LYRM4: variants seen among roughly 807,000 people sequenced by gnomAD.
LYRM4 encodes the protein LYR motif-containing protein 4.
Under a neutral mutation model 11.7 loss-of-function variants are expected in LYRM4, and 9 were observed. The ratio of observed to expected loss-of-function variants is 0.77; its 90% CI spans 0.46 to 1.34. LYRM4 has a LOEUF of 1.34. Among genes scored for constraint, LYRM4 ranks in the 40% most tolerant of loss-of-function variants. LYRM4 has a pLI of 0.00. For synonymous variants in LYRM4, 42 were observed against 40.4 expected (o/e 1.04, Z -0.15); for missense variants, 133 against 112.5 (o/e 1.18, Z -0.82).
intron 2 of LYRM4, among the ~76,000 whole-genome samples, chr6:5,134,020 G>A (rs1764076522): frequency 6.6e-6 from 1 of 152,214 alleles, no homozygotes; most frequent in Non-Finnish European, 1.5e-5. Flanking sequence ...AAGGATATTT[G>A]GGTTGTTTCC....
downstream of LYRM4, among the ~76,000 whole-genome samples, chr6:5,099,609 T>C (rs547095405): frequency 6.6e-6 from 1 of 152,150 alleles, no homozygotes; most frequent in East Asian, 1.9e-4. The surrounding 1 kb of genome is among the most constrained non-coding windows in gnomAD (Gnocchi z 4.3). Context: ...TCTTCATATT[T>C]TTTATTTCTT....
At chr6:5,079,425 A>G in the LYRM4 span, among the ~76,000 whole-genome samples, 1 of 152,228 alleles carries the variant, frequency 6.6e-6, no homozygotes, top group Non-Finnish European at 1.5e-5. Context: ...TTTAGGTAGA[A>G]AGGGGAAGTC....
chr6:5,208,510 G>A (rs1395438342), intron 2 of LYRM4, among the ~76,000 whole-genome samples: 1 of 152,170 alleles, frequency 6.6e-6, no homozygotes, highest in African/African-American at 2.4e-5. Flanking sequence ...TGCCTTTTAT[G>A]GGAGCACTCC....
At chr6:5,184,046 A>AT (rs1760234616) in intron 2 of LYRM4, among the ~76,000 whole-genome samples, 1 of 152,168 alleles carries the variant, frequency 6.6e-6, no homozygotes, top group South Asian at 2.1e-4. Flanking sequence ...TTACTTGTCC[A>AT]TTTTTTTAAA....
chr6:5,247,243 C>T (rs1764236592), intron 1 of LYRM4, among the ~76,000 whole-genome samples: 1 of 152,148 alleles, frequency 6.6e-6, no homozygotes, highest in South Asian at 2.1e-4. Context: ...AGTCCAGAGG[C>T]CCCCACAGTG....
intron 2 of LYRM4, among the ~76,000 whole-genome samples, chr6:5,117,448 G>A (rs567749585): frequency 9.2e-5 from 14 of 152,042 alleles, no homozygotes; most frequent in Admixed American, 3.9e-4. Flanking sequence ...GCAGCTACTC[G>A]GGAGGCTGAG....
chr6:5,126,201 G>A (rs993232856), intron 2 of LYRM4, among the ~76,000 whole-genome samples: 4 of 152,176 alleles, frequency 2.6e-5, no homozygotes, highest in African/African-American at 9.7e-5. Context: ...CTCTTCCAGA[G>A]CTGTGCAAAC....
chr6:5,125,442 G>A (rs779218888), intron 2 of LYRM4, among the ~76,000 whole-genome samples: 1 of 152,150 alleles, frequency 6.6e-6, no homozygotes, highest in Non-Finnish European at 1.5e-5. Context: ...TCAGTTCCTC[G>A]AGCACAGTGA....
intron 1 of LYRM4, among the ~76,000 whole-genome samples, chr6:5,222,033 G>C (rs1005771056): frequency 6.6e-6 from 1 of 152,154 alleles, no homozygotes; most frequent in South Asian, 2.1e-4. Flanking sequence ...TGGAGAGGAA[G>C]CTCAAGGATC....
At chr6:5,251,190 A>T (rs1359904673) in intron 1 of LYRM4, among the ~76,000 whole-genome samples, 1 of 152,202 alleles carries the variant, frequency 6.6e-6, no homozygotes, top group Non-Finnish European at 1.5e-5. Context: ...ACACACACAC[A>T]CTGTGAGTTT....
At chr6:5,118,095 T>TATATATTTTTTTTTTTTTTGTTTG in intron 2 of LYRM4, among the ~76,000 whole-genome samples, 1 of 96,886 alleles carries the variant, frequency 1.0e-5, no homozygotes, top group East Asian at 3.3e-4. Context: ...TATATATATA[T>TATATATTTTTTTTTTTTTTGTTTG]TTTTGTTTTG....
At chr6:5,192,971 C>T (rs553158939) in intron 2 of LYRM4, among the ~76,000 whole-genome samples, 17 of 152,196 alleles carry the variant, frequency 1.1e-4, no homozygotes, top group Admixed American at 1.0e-3. Context: ...TTGTAGTGAG[C>T]CAAGATCACG....
chr6:5,165,878 T>C (rs768373105), intron 2 of LYRM4, among the ~76,000 whole-genome samples: 1 of 152,172 alleles, frequency 6.6e-6, no homozygotes, highest in African/African-American at 2.4e-5. Context: ...GTTTCTTTTT[T>C]AGAAAATATG....
the LYRM4 span, among the ~76,000 whole-genome samples, chr6:5,071,220 A>G: frequency 6.6e-6 from 1 of 152,128 alleles, no homozygotes; most frequent in African/African-American, 2.4e-5. Flanking sequence ...TGTAAGTATA[A>G]GACAAGCTTC....
intron 1 of LYRM4, among the ~76,000 whole-genome samples, chr6:5,229,003 C>CAAAAAAAAAAAAAA (rs70974180): frequency 5.3e-5 from 2 of 37,980 alleles, no homozygotes; most frequent in African/African-American, 2.3e-4. Flanking sequence ...GGCTCAGTCT[C>CAAAAAAAAAAAAAA]AAAAAAAAAA....
the LYRM4 span, among the ~76,000 whole-genome samples, chr6:5,078,547 T>C: frequency 6.6e-6 from 1 of 152,216 alleles, no homozygotes; most frequent in Non-Finnish European, 1.5e-5. Context: ...CTGGCTCTTC[T>C]AGATTGGCTA....
At chr6:5,120,579 T>TG (rs1429971732) in intron 2 of LYRM4, among the ~76,000 whole-genome samples, 4 of 152,298 alleles carry the variant, frequency 2.6e-5, no homozygotes, top group African/African-American at 7.2e-5. Context: ...TGCTGCTGGC[T>TG]GGGGGTGGCC....
At chr6:5,044,965 T>C in the LYRM4 span, among the ~76,000 whole-genome samples, 2 of 152,194 alleles carry the variant, frequency 1.3e-5, no homozygotes, top group African/African-American at 4.8e-5. Flanking sequence ...CTAAGTCAGG[T>C]AATAATCTCT....
At chr6:5,146,418 C>G (rs901468881) in intron 2 of LYRM4, among the ~76,000 whole-genome samples, 1 of 151,990 alleles carries the variant, frequency 6.6e-6, no homozygotes, top group Non-Finnish European at 1.5e-5. Flanking sequence ...ACAGAAATGC[C>G]GAGAAGTTAG....
Sources: allele counts gnomAD v4.1 joint callset (sites outside exome capture counted in the v4.1 genomes callset), GRCh38; gene constraint gnomAD v4.1.1; non-coding constraint Gnocchi (gnomAD v3.1); transcripts MANE v1.5; gene names NCBI Gene and HGNC (gene_info 2026-07-23, HGNC 2026-07-21).